The following RAB26 variants were observed in gnomAD, a reference collection of about 807,000 sequenced individuals.
RAB26 encodes the protein RAB26, member RAS oncogene family, also known as ras-related protein Rab-26.
A neutral mutation model predicts 33.1 loss-of-function variants in RAB26; 39 were observed. The ratio of observed to expected loss-of-function variants is 1.18; its 90% confidence interval spans 0.91 to 1.54. RAB26 has a LOEUF of 1.54. Ranked by LOEUF, RAB26 falls within the 40% of genes most tolerant of loss-of-function variation. RAB26 has a pLI of 0.00. For synonymous variants in RAB26, 192 were observed against 151.9 expected, an observed-to-expected ratio of 1.26 and a Z score of -1.94; for missense variants, 468 against 362.9, an observed-to-expected ratio of 1.29 and a Z score of -2.35.
rs1365828431 is a variant in RAB26 at position 2,152,060 on chromosome 16, G to A, written c.468+152G>A. 8.1e-6 allele frequency: 9 copies of A among 1,114,870 alleles called. No individual in the cohort carries two copies. The Admixed American group carries it at 2.0e-4, about 24-fold the overall frequency. The allele number at this position is 1,114,870 out of a possible 1,614,324, so 69.1% of individuals were successfully genotyped here. Reference sequence around the variant, plus strand: ...TTCTGGGCTGGAGGTGGCCCAAGTGGACCTGAGTGCCATTCCAGCTCCCTC... The same window carrying A: ...TTCTGGGCTGGAGGTGGCCCAAGTGAACCTGAGTGCCATTCCAGCTCCCTC... On this transcript the variant is annotated intron_variant, in intron 5 of 8. Transcript: ENST00000210187.
Position 2,153,208 on chromosome 16 carries a change from C to T in RAB26, c.654C>T (p.Phe218=), listed in dbSNP as rs1265419500. Residue 218 remains phenylalanine (F), a synonymous_variant, in exon 8 of 9, where the codon TTC becomes TTT. Coordinates refer to ENST00000210187, the MANE Select transcript of RAB26 (RefSeq NM_014353.5). Reference sequence around the variant, plus strand: ...CGGGCCTCAACGTGGACTTGGCCTTCACAGCCATAGCAAAGTAAGTCCTGC... The same window carrying T: ...CGGGCCTCAACGTGGACTTGGCCTTTACAGCCATAGCAAAGTAAGTCCTGC... ...AKTGLNVDLA[F]TAIAKELKQR... is the part of the protein sequence containing the mutation. 4 of 1,613,816 alleles carry T rather than the reference C, an allele frequency of 2.5e-6. No individual in the cohort carries two copies. Among genetic ancestry groups the T allele is most frequent in the Middle Eastern group, 1.6e-4 (1 of 6,062 alleles).
intron 6 of RAB26, 31 bp downstream of exon 6, chr16:2,152,916 A>ACAGGG (rs1170699343): frequency 3.4e-5 from 55 of 1,596,882 alleles, no homozygotes; most frequent in Non-Finnish European, 4.1e-5. Flanking sequence ...CACCTGGGCC[A>ACAGGG]CAGGGCAGGG....
In RAB26 at chr16:2,151,174, T is replaced by C. The variant is rs145905454; in HGVS notation, c.307-395T>C. 6.0e-3 allele frequency: 2,805 copies of C among 468,174 alleles called. 14 individuals carry two copies. The highest frequency in any genetic ancestry group is 9.6e-3 in the Non-Finnish European group (2,262 of 236,596). 29.0% of individuals were successfully genotyped at this position (468,174 alleles called of 1,614,324 possible). A position where few individuals can be genotyped will look rare whatever the true frequency, so the allele number is the denominator to read the frequency against. ...CCTGGCTGGAGTGCAGTGGTGATCA[T>C]GGTGGACTGCAACCTCCAACTTCTG... is the stretch of plus-strand genomic sequence containing the variant. On this transcript the variant is annotated intron_variant, in intron 2 of 8. Transcript: ENST00000210187.
rs917018336 is a variant in RAB26, at chr16:2,153,188, C to G, written c.634C>G (p.Leu212Val). The change falls in exon 8 of 9, where the codon CTC (leucine) becomes GTC (valine). Residue 212 changes from leucine to valine, a missense_variant. Transcript: ENST00000210187. ...CATGGAGACCAGCGCCAAGACGGGC[C>G]TCAACGTGGACTTGGCCTTCACAGC... ...PFMETSAKTG[L>V]NVDLAFTAIA... 5.0e-6 allele frequency: 8 copies of G among 1,613,704 alleles called. No homozygotes were observed. In the African/African-American group the frequency reaches 9.3e-5, roughly 19 times the overall value.
chr16:2,153,353 G>A lies in RAB26; in HGVS notation c.703G>A (p.Glu235Lys), dbSNP rs147124016. The A allele has an allele frequency of 7.5e-5, 121 of 1,613,366 alleles. No homozygotes were observed. The highest frequency in any genetic ancestry group is 1.6e-4 in the Middle Eastern group (1 of 6,084). ...GCAGCGCTCCATGAAGGCTCCCAGC[G>A]AGCCGCGCTTCCGGCTGCATGATTA... ...LKQRSMKAPS[E>K]PRFRLHDYVK... The change falls in exon 9 of 9, where the codon GAG (glutamate) becomes AAG (lysine). Residue 235 changes from glutamate (E) to lysine (K), a missense_variant. Coordinates refer to ENST00000210187, the MANE Select transcript of RAB26 (RefSeq NM_014353.5).
In RAB26 at chr16:2,148,825, C is replaced by T. The variant is rs754264240; in HGVS notation, c.42C>T (p.Thr14=). The stretch of plus-strand genomic sequence containing the variant: ...CCCCCAAGAGCAAAGGGGCCAGCAC[C>T]CCCGCTGCCTCCACGCTGCCCACCG... ...KKTPKSKGAS[T]PAASTLPTAN... The change falls in exon 1 of 9, where the codon ACC becomes ACT. Residue 14 remains threonine (T), a synonymous_variant. Coordinates refer to ENST00000210187, the MANE Select transcript of RAB26 (RefSeq NM_014353.5). 7 of 1,416,128 alleles carry T rather than the reference C, an allele frequency of 4.9e-6. No individual in the cohort carries two copies. The highest frequency in any genetic ancestry group is 4.5e-5 in the African/African-American group (3 of 66,656). 87.7% of individuals were successfully genotyped at this position (1,416,128 alleles called of 1,614,324 possible). A position where few individuals can be genotyped will look rare whatever the true frequency, so the allele number is the denominator to read the frequency against.
At chr16:2,150,555 A>G (rs1454891355) in intron 2 of RAB26, among the ~76,000 whole-genome samples, 1 of 148,028 alleles carries the variant, frequency 6.8e-6, no homozygotes, top group African/African-American at 2.5e-5. Flanking sequence ...TCACCCTTTA[A>G]TTAGAGCCAG....
chr16:2,151,042 C>A (rs2093003260), intron 2 of RAB26: 1 of 351,918 alleles, frequency 2.8e-6, no homozygotes, highest in African/African-American at 2.1e-5. Context: ...GTTCTGGGAT[C>A]TGCGGTTACT....
At chr16:2,152,693 CAAAAAA>C (rs58347017) in intron 5 of RAB26, 121 bp from the exon 6 acceptor site, 253 of 349,484 alleles carry the variant, frequency 7.2e-4, no homozygotes, top group South Asian at 8.4e-4. Flanking sequence ...ACTCTTGTCT[CAAAAAA>C]AAAAAAAAAA....
Position 2,151,872 on chromosome 16 carries a change from C to CGAT in RAB26, c.434_436dup (p.Asp145dup), listed in dbSNP as rs1287003684. On this transcript the variant is annotated inframe_insertion, in exon 5 of 9. Transcript: ENST00000210187. ...TGTCCCCAGCTCTGCTGCTGCTCTA[C>CGAT]GATGTCACCAACAAGGCCTCCTTTG... The CGAT allele has an allele frequency of 6.2e-7, 1 of 1,614,016 alleles. No individual in the cohort carries two copies.
chr16:2,152,017 GA>G (rs2093006771), intron 5 of RAB26, 109 bp downstream of exon 5: 4 of 1,447,280 alleles, frequency 2.8e-6, no homozygotes, highest in Non-Finnish European at 2.9e-6. Flanking sequence ...TGAGAGAGGG[GA>G]GGGGGAAATG....
chr16:2,150,462 C>T (rs2093001182), intron 2 of RAB26, among the ~76,000 whole-genome samples: 1 of 152,002 alleles, frequency 6.6e-6, no homozygotes, highest in African/African-American at 2.4e-5. Context: ...GGGTGAGGAG[C>T]GCCCACCCCC....
At position 2,153,492 on chromosome 16, in the gene RAB26, C is replaced by A; in HGVS notation, c.*71C>A. The A allele has an allele frequency of 6.9e-7, 1 of 1,456,266 alleles. No homozygotes were observed. The highest frequency in any genetic ancestry group is 9.5e-7 in the Non-Finnish European group (1 of 1,053,170). 90.2% of individuals were successfully genotyped at this position (1,456,266 alleles called of 1,614,324 possible). ...AAGGCTGGACAGAGGGTCTCCAGGCCCTTCTGACTTTGTTGCCCAGTGGCC... is the reference window on the plus strand; with the variant it reads ...AAGGCTGGACAGAGGGTCTCCAGGCACTTCTGACTTTGTTGCCCAGTGGCC... On this transcript the variant is annotated 3_prime_UTR_variant, in exon 9 of 9. Transcript: ENST00000210187.
chr16:2,151,536 C>T (rs757396344), intron 2 of RAB26, 33 bp from the exon 3 acceptor site: 3 of 1,613,068 alleles, frequency 1.9e-6, no homozygotes, highest in African/African-American at 1.3e-5. Context: ...GGGCTGGGCC[C>T]ATGCCAGAGC....
In RAB26 at chr16:2,153,811, GA is replaced by G. The variant is rs1273077345; in HGVS notation, c.*391del. 5.5e-4 allele frequency: 257 copies of G among 468,614 alleles called. 1 individual carries two copies. The highest frequency in any genetic ancestry group is 9.9e-4 in the Non-Finnish European group (232 of 235,494). 29.0% of individuals were successfully genotyped at this position (468,614 alleles called of 1,614,324 possible). A position where few individuals can be genotyped will look rare whatever the true frequency, so the allele number is the denominator to read the frequency against. ...GCACATGCTCAGGCAGCTAAGGGAG[GA>G]CGCCTGCCCACGCCTGGGACAGAAG... On this transcript the variant is annotated 3_prime_UTR_variant, in exon 9 of 9. Coordinates refer to ENST00000210187, the MANE Select transcript of RAB26 (RefSeq NM_014353.5).
chr16:2,151,778 C>G lies in RAB26; in HGVS notation c.415+17C>G. On this transcript the variant is annotated intron_variant, in intron 4 of 8. Transcript: ENST00000210187. ...ATGCTCATGGTGAGCCCCTGGGTACCTGGGCTGGTTGGGGCGGGGGTCTGA... is the reference window on the plus strand; with the variant it reads ...ATGCTCATGGTGAGCCCCTGGGTACGTGGGCTGGTTGGGGCGGGGGTCTGA... 1 of 1,613,928 alleles carries G rather than the reference C, an allele frequency of 6.2e-7. No homozygotes were observed. The highest frequency in any genetic ancestry group is 1.1e-5 in the South Asian group (1 of 91,080).
Position 2,151,976 on chromosome 16 carries a change from T to C in RAB26, c.468+68T>C, listed in dbSNP as rs1031147132. ...CTGACCCATCCCAACCTCCTTCTGG[T>C]AGATGGCATCAGGGTTCCAAAGGAC... On this transcript the variant is annotated intron_variant, in intron 5 of 8. Transcript: ENST00000210187. The C allele has an allele frequency of 1.0e-5, 16 of 1,586,236 alleles. No homozygotes were observed. The African/African-American group carries it at 1.2e-4, about 12-fold the overall frequency.
At chr16:2,151,063 A>G (rs973288774) in intron 2 of RAB26, 3 of 365,282 alleles carry the variant, frequency 8.2e-6, no homozygotes, top group African/African-American at 4.3e-5. Context: ...GCCTTGGGTC[A>G]GACAGGCCCA....
Position 2,148,782 on chromosome 16 carries a change from C to G in RAB26, c.-2C>G. 7.5e-7 allele frequency: 1 copy of G among 1,335,616 alleles called. No individual in the cohort carries two copies. Among genetic ancestry groups the G allele is most frequent in the Non-Finnish European group, 9.5e-7 (1 of 1,048,418 alleles). 82.7% of individuals were successfully genotyped at this position (1,335,616 alleles called of 1,614,324 possible). Reference sequence around the variant, plus strand: ...CGGGAGCACACTGAGCGCCCGCCCGCCATGTCCAGGAAGAAGACCCCCAAG... The same window carrying G: ...CGGGAGCACACTGAGCGCCCGCCCGGCATGTCCAGGAAGAAGACCCCCAAG... On this transcript the variant is annotated 5_prime_UTR_variant, in exon 1 of 9. Transcript: ENST00000210187.
Sources: gnomAD v4.1 joint callset for allele counts (sites outside exome capture counted in the v4.1 genomes callset) on GRCh38, gnomAD v4.1.1 for gene constraint, MANE v1.5 for transcripts, NCBI Gene and HGNC (gene_info 2026-07-23, HGNC 2026-07-21) for gene names.